The following SAMD5 variants were observed in gnomAD, a reference collection of about 807,000 sequenced individuals.
SAMD5 encodes sterile alpha motif domain-containing protein 5.
SAMD5 carries 13 observed loss-of-function variants against 11.3 expected under a neutral mutation model. The observed-to-expected ratio is 1.15, with a 90% confidence interval of 0.75 to 1.83. The LOEUF is 1.83. Among genes scored for constraint, SAMD5 ranks in the 40% most tolerant of loss-of-function variants. The probability of loss-of-function intolerance (pLI) is 0.00; values close to 1 mark genes in which losing one functional copy is unlikely to be tolerated. For missense variants in SAMD5, 255 were observed against 239.1 expected, an observed-to-expected ratio of 1.07 and a Z score of -0.44; for synonymous variants, 129 against 111.3, an observed-to-expected ratio of 1.16 and a Z score of -1.00.
intron 1 of SAMD5, among the ~76,000 whole-genome samples, chr6:147,682,470 A>C (rs1790953964): frequency 6.6e-6 from 1 of 151,980 alleles, no homozygotes; most frequent in African/African-American, 2.4e-5. Context: ...ATCTCTGATC[A>C]CTCCAAGGTG....
chr6:147,601,316 A>G (rs759288247), intron 1 of SAMD5, among the ~76,000 whole-genome samples: 1 of 151,754 alleles, frequency 6.6e-6, no homozygotes, highest in Non-Finnish European at 1.5e-5. Context: ...TTATTTGTAC[A>G]TACCCTGAAC....
chr6:147,928,250 T>G, the SAMD5 span, among the ~76,000 whole-genome samples: 5 of 152,178 alleles, frequency 3.3e-5, no homozygotes, highest in Non-Finnish European at 5.9e-5. Flanking sequence ...AGCGCTTCTT[T>G]GTACATCTGG....
intron 1 of SAMD5, among the ~76,000 whole-genome samples, chr6:147,723,171 C>G (rs558472811): frequency 2.6e-5 from 4 of 152,290 alleles, no homozygotes; most frequent in African/African-American, 9.6e-5. Flanking sequence ...CAGGATGGTC[C>G]TGTGAGCCTG....
intron 1 of SAMD5, among the ~76,000 whole-genome samples, chr6:147,736,255 A>C (rs1032943286): frequency 6.6e-6 from 1 of 152,170 alleles, no homozygotes; most frequent in Non-Finnish European, 1.5e-5. Flanking sequence ...GGTACAAAGA[A>C]CGATGCCTGC....
chr6:147,554,092 G>T (rs1217389116), intron 1 of SAMD5, among the ~76,000 whole-genome samples: 3 of 152,092 alleles, frequency 2.0e-5, no homozygotes, highest in African/African-American at 7.2e-5. Flanking sequence ...ATGGCAGAAG[G>T]CAAAGCAAAC....
the SAMD5 span, among the ~76,000 whole-genome samples, chr6:147,948,172 G>C: frequency 6.6e-6 from 1 of 151,780 alleles, no homozygotes; most frequent in South Asian, 2.1e-4. Context: ...CTATAAATTA[G>C]TGACTGAGAG....
At chr6:147,558,713 A>G (rs1202551751) in intron 1 of SAMD5, among the ~76,000 whole-genome samples, 1 of 150,268 alleles carries the variant, frequency 6.7e-6, no homozygotes, top group Non-Finnish European at 1.5e-5. Context: ...TCCCTCACTC[A>G]CCTCCAAATG....
chr6:147,919,268 C>T, the SAMD5 span, among the ~76,000 whole-genome samples: 1 of 152,176 alleles, frequency 6.6e-6, no homozygotes, highest in Non-Finnish European at 1.5e-5. Flanking sequence ...AGAGACTTCA[C>T]ATGGGGGAAC....
chr6:147,513,068 G>A (rs1224418455), intron 1 of SAMD5, among the ~76,000 whole-genome samples: 2 of 151,692 alleles, frequency 1.3e-5, no homozygotes, highest in Non-Finnish European at 2.9e-5. Flanking sequence ...GCCAGGAAGG[G>A]GAGGAAGTTT....
At chr6:147,674,670 G>C (rs1790839406) in intron 1 of SAMD5, among the ~76,000 whole-genome samples, 1 of 152,116 alleles carries the variant, frequency 6.6e-6, no homozygotes, top group Non-Finnish European at 1.5e-5. Context: ...CTGCTTTTCT[G>C]TCCAAACCCT....
rs544777731 is a variant in SAMD5 at position 147,710,446 on chromosome 6, G to A, written c.163-26871G>A. Among the ~76,000 whole-genome samples the A allele has an allele frequency of 3.9e-5, 6 of 152,258 alleles. No individual in the cohort carries two copies. In the East Asian group the frequency reaches 1.2e-3, roughly 29 times the overall value. Reference sequence around the variant, plus strand: ...GAGAAATGTGGTGAAATCTAACCCTGTCTGGCCCCATCTCACCCAAGATGT... The same window carrying A: ...GAGAAATGTGGTGAAATCTAACCCTATCTGGCCCCATCTCACCCAAGATGT... On this transcript the variant is annotated intron_variant, in intron 1 of 1. Transcript: ENST00000566741.
chr6:147,786,744 T>C, the SAMD5 span, among the ~76,000 whole-genome samples: 16 of 152,210 alleles, frequency 1.1e-4, no homozygotes, highest in Non-Finnish European at 1.8e-4. Context: ...TGCCAGGTTT[T>C]CTAATTTATT....
intron 1 of SAMD5, among the ~76,000 whole-genome samples, chr6:147,701,974 G>A (rs758099142): frequency 6.6e-6 from 1 of 152,140 alleles, no homozygotes; most frequent in Non-Finnish European, 1.5e-5. Context: ...TTGGAAACGG[G>A]AAGGGCCCCT....
chr6:147,622,196 A>C (rs1221396081), intron 1 of SAMD5, among the ~76,000 whole-genome samples: 1 of 152,176 alleles, frequency 6.6e-6, no homozygotes, highest in African/African-American at 2.4e-5. Flanking sequence ...AAATCCTCAG[A>C]TGGATGTTCA....
chr6:147,587,136 A>G (rs978744804), intron 1 of SAMD5, among the ~76,000 whole-genome samples: 9 of 152,158 alleles, frequency 5.9e-5, no homozygotes, highest in African/African-American at 2.2e-4. Flanking sequence ...GTAAGTTTCC[A>G]GAGGGTAAGG....
the SAMD5 span, among the ~76,000 whole-genome samples, chr6:147,811,367 T>G: frequency 0.085 from 12,858 of 152,098 alleles, 831 homozygotes; most frequent in African/African-American, 0.18. Flanking sequence ...CAAGAAAGAG[T>G]ATAGCAGAAG....
At chr6:147,857,738 G>A in the SAMD5 span, among the ~76,000 whole-genome samples, 1 of 151,854 alleles carries the variant, frequency 6.6e-6, no homozygotes, top group Admixed American at 6.6e-5. Context: ...CACTATAGAG[G>A]GGACAGCTTA....
At chr6:147,696,923 C>G (rs925386573) in intron 1 of SAMD5, among the ~76,000 whole-genome samples, 1 of 152,168 alleles carries the variant, frequency 6.6e-6, no homozygotes, top group Admixed American at 6.5e-5. Context: ...GCATAAGTCT[C>G]TTAAAGCAAA....
chr6:147,816,799 T>G, the SAMD5 span, among the ~76,000 whole-genome samples: 1 of 152,122 alleles, frequency 6.6e-6, no homozygotes, highest in Non-Finnish European at 1.5e-5. Context: ...GGCTTCAAAC[T>G]CTTGCACAGA....
Sources: gnomAD v4.1 joint callset for allele counts (sites outside exome capture counted in the v4.1 genomes callset) on GRCh38, gnomAD v4.1.1 for gene constraint, MANE v1.5 for transcripts, NCBI Gene and HGNC (gene_info 2026-07-23, HGNC 2026-07-21) for gene names.